RARA: variants seen among roughly 807,000 people sequenced by gnomAD.
RARA encodes retinoic acid receptor alpha, also known as PML-DDX5-RARA fusion.
A neutral mutation model predicts 42.8 loss-of-function variants in RARA; 5 were observed. The ratio of observed to expected loss-of-function variants is 0.12; its 90% CI spans 0.06 to 0.25. The LOEUF is 0.25. Ranked by LOEUF, RARA falls within the 10% of genes least tolerant of loss-of-function variation. The probability of loss-of-function intolerance (pLI) is 1.00; values close to 1 mark genes in which losing one functional copy is unlikely to be tolerated. For missense variants in RARA, 402 were observed against 628.7 expected (o/e 0.64, Z 3.86); for synonymous variants, 256 against 259.5 (o/e 0.99, Z 0.13).
chr17:40,325,291 AT>A (rs2033507542), intron 1 of RARA, among the ~76,000 whole-genome samples: 7 of 151,662 alleles, frequency 4.6e-5, no homozygotes, highest in East Asian at 1.9e-4. Context: ...AAATAAATAA[AT>A]AAATAAAAAG....
At chr17:40,342,239 C>T in intron 2 of RARA, 1 of 1,055,308 alleles carries the variant, frequency 9.5e-7, no homozygotes, top group Non-Finnish European at 1.1e-6. Context: ...GGGATCCCCA[C>T]CCCCACCCGG....
At chr17:40,350,131 C>A in intron 4 of RARA, 1 of 702,120 alleles carries the variant, frequency 1.4e-6, no homozygotes, top group Non-Finnish European at 2.3e-6. Flanking sequence ...ACGGGCAGGT[C>A]TGTGCTCCGG....
At chr17:40,341,359 C>A in intron 2 of RARA, 2 of 1,446,776 alleles carry the variant, frequency 1.4e-6, no homozygotes, top group South Asian at 2.8e-5. Flanking sequence ...ACCCGCGCTG[C>A]CGCGTCGGGT....
In RARA at chr17:40,355,346, C is replaced by T. The variant is rs2143539770; in HGVS notation, c.1096C>T (p.Arg366Trp). 1.9e-6 allele frequency: 3 copies of T among 1,613,316 alleles called. No individual in the cohort carries two copies. The highest frequency in any genetic ancestry group is 2.5e-6 in the Non-Finnish European group (3 of 1,179,730). Residue 366 changes from arginine to tryptophan, a missense_variant, in exon 8 of 9, where the codon CGG becomes TGG. Arg to Trp is a moderately radical substitution (Grantham distance 101, BLOSUM62 -3). This residue lies in a region of RARA where 104 missense variants were observed against 160.1 expected (regional missense o/e 0.65). Transcript: ENST00000254066. This position sits in a 1 kb window ranked among gnomAD's most constrained non-coding sequence, Gnocchi z 4.1. ...LEALKVYVRK[R>W]RPSRPHMFPK... ...GGCGCTAAAGGTCTACGTGCGGAAGCGGAGGCCCAGCCGCCCCCACATGTT... is the reference window on the plus strand; with the variant it reads ...GGCGCTAAAGGTCTACGTGCGGAAGTGGAGGCCCAGCCGCCCCCACATGTT...
intron 2 of RARA, chr17:40,342,713 G>C (rs753970911): frequency 1.9e-6 from 3 of 1,611,574 alleles, no homozygotes; most frequent in African/African-American, 1.3e-5. Flanking sequence ...AGATGTACGA[G>C]AGTGTAGAAG....
At chr17:40,324,369 G>A (rs148102687) in intron 1 of RARA, among the ~76,000 whole-genome samples, 14 of 151,582 alleles carry the variant, frequency 9.2e-5, no homozygotes, top group Admixed American at 1.3e-4. Flanking sequence ...TCACCTACTC[G>A]TTGCTTGGAG....
At chr17:40,331,452 C>T in intron 2 of RARA, 56 bp downstream of exon 2, 2 of 1,557,918 alleles carry the variant, frequency 1.3e-6, no homozygotes, top group South Asian at 2.4e-5. Context: ...TGGCAGGCCT[C>T]AGAGCTTGGG....
At position 40,342,471 on chromosome 17, in the gene RARA, AC is replaced by A. The variant is rs949467310; in HGVS notation, c.179-5838del. On this transcript the variant is annotated intron_variant, in intron 2 of 8. Transcript: ENST00000254066. ...CAGGCTTCCCTGGGAGAGCCGACGG[AC>A]CCCCCCTCCCAGCACACACAACTTC... 5.2e-4 allele frequency: 634 copies of A among 1,227,750 alleles called. 5 individuals carry two copies. The African/African-American group carries it at 8.7e-3, about 17-fold the overall frequency. 76.1% of individuals were successfully genotyped at this position (1,227,750 alleles called of 1,614,324 possible). A position where few individuals can be genotyped will look rare whatever the true frequency, so the allele number is the denominator to read the frequency against.
rs2034577445 is a variant in RARA, at chr17:40,355,185, C to T, written c.1013-78C>T. On this transcript the variant is annotated intron_variant, in intron 7 of 8. Coordinates refer to ENST00000254066, the MANE Select transcript of RARA (RefSeq NM_000964.4). This position sits in a 1 kb window ranked among gnomAD's most constrained non-coding sequence, Gnocchi z 4.1. ...GAGCTGCCCTCCTCCATGGCCTGGG[C>T]AGGCACGCCCCCCGGTGGCCGAGGC... 4.0e-6 allele frequency: 6 copies of T among 1,483,512 alleles called. No individual in the cohort carries two copies. The highest frequency in any genetic ancestry group is 5.4e-6 in the Non-Finnish European group (6 of 1,109,302). 91.9% of individuals were successfully genotyped at this position (1,483,512 alleles called of 1,614,324 possible). A position where few individuals can be genotyped will look rare whatever the true frequency, so the allele number is the denominator to read the frequency against.
At chr17:40,321,828 C>G (rs190923866) in intron 1 of RARA, among the ~76,000 whole-genome samples, 32 of 152,308 alleles carry the variant, frequency 2.1e-4, no homozygotes, top group South Asian at 6.2e-4. Flanking sequence ...ACTCCACCCC[C>G]CCAACTGGAT....
chr17:40,313,337 G>A (rs2033131783), intron 1 of RARA, among the ~76,000 whole-genome samples: 1 of 152,194 alleles, frequency 6.6e-6, no homozygotes, highest in South Asian at 2.1e-4. Flanking sequence ...CTGATCGCTA[G>A]TCAGAAGGAG....
Position 40,357,112 on chromosome 17 carries a change from G to A in RARA, c.*886G>A. On this transcript the variant is annotated 3_prime_UTR_variant, in exon 9 of 9. Coordinates refer to ENST00000254066, the MANE Select transcript of RARA (RefSeq NM_000964.4). ...AGGCTCCTGGCCTTGGCACTTGCCT[G>A]CACCCACCATGAGGCATGGAGCAGG... 6.7e-6 allele frequency: 2 copies of A among 299,638 alleles called. No homozygotes were observed. Among genetic ancestry groups the A allele is most frequent in the Non-Finnish European group, 1.3e-5 (2 of 157,176 alleles). 18.6% of individuals were successfully genotyped at this position (299,638 alleles called of 1,614,324 possible). A position where few individuals can be genotyped will look rare whatever the true frequency, so the allele number is the denominator to read the frequency against.
chr17:40,343,376 G>A (rs2034145283), intron 2 of RARA, among the ~76,000 whole-genome samples: 1 of 152,196 alleles, frequency 6.6e-6, no homozygotes, highest in Non-Finnish European at 1.5e-5. Context: ...GGTGTCAGGG[G>A]AGCACTCAGT....
In RARA at chr17:40,345,224, C is replaced by G. The variant is rs1179332734; in HGVS notation, c.179-3092C>G. The G allele has an allele frequency of 6.5e-6, 1 of 153,680 alleles. No individual in the cohort carries two copies. The highest frequency in any genetic ancestry group is 1.5e-5 in the Non-Finnish European group (1 of 68,100). The allele number at this position is 153,680 out of a possible 1,614,324, so 9.5% of individuals were successfully genotyped here. ...TGCCCGTAGTTGGGGGAGGGGGAGACGCTTATCAGGCGGCCGCTGGGCTAG... is the reference window on the plus strand; with the variant it reads ...TGCCCGTAGTTGGGGGAGGGGGAGAGGCTTATCAGGCGGCCGCTGGGCTAG... On this transcript the variant is annotated intron_variant, in intron 2 of 8. Coordinates refer to ENST00000254066, the MANE Select transcript of RARA (RefSeq NM_000964.4). This position sits in a 1 kb window ranked among gnomAD's most constrained non-coding sequence, Gnocchi z 4.8.
At chr17:40,341,583 C>G (rs2034042195) in intron 2 of RARA, 1 of 1,362,304 alleles carries the variant, frequency 7.3e-7, no homozygotes, top group Non-Finnish European at 9.5e-7. Flanking sequence ...GCCCCGCGGG[C>G]GGGCTGGCGA....
At position 40,352,463 on chromosome 17, in the gene RARA, G is replaced by A. The variant is rs758973243; in HGVS notation, c.763G>A (p.Ala255Thr). 3 of 1,613,370 alleles carry A rather than the reference G, an allele frequency of 1.9e-6. No homozygotes were observed. Among genetic ancestry groups the A allele is most frequent in the Admixed American group, 1.7e-5 (1 of 59,960 alleles). ...QLPGFTTLTI[A>T]DQITLLKAAC... The stretch of plus-strand genomic sequence containing the variant: ...GCCCGGCTTCACCACCCTCACCATC[G>A]CCGACCAGATCACCCTCCTCAAGGC... Residue 255 changes from alanine to threonine, a missense_variant, in exon 6 of 9, where the codon GCC (alanine) becomes ACC (threonine). Around this residue, in one of 5 missense-constraint regions of RARA, gnomAD observed 130 missense variants for 267.9 expected, o/e 0.49. Coordinates refer to ENST00000254066, the MANE Select transcript of RARA (RefSeq NM_000964.4). This position sits in a 1 kb window ranked among gnomAD's most constrained non-coding sequence, Gnocchi z 4.9.
intron 2 of RARA, among the ~76,000 whole-genome samples, chr17:40,344,535 G>A (rs1307738423): frequency 6.6e-6 from 1 of 152,098 alleles, no homozygotes; most frequent in Admixed American, 6.6e-5. Flanking sequence ...AGCCCATGGG[G>A]ACAGCTCAGC....
At position 40,341,711 on chromosome 17, in the gene RARA, G is replaced by T. The variant is rs879060404; in HGVS notation, c.179-6605G>T. ...CAAATGAGGCCCGGCCTGGGTGGGGGTGTGTGTTAAGGGGAGGACACCGGG... is the reference window on the plus strand; with the variant it reads ...CAAATGAGGCCCGGCCTGGGTGGGGTTGTGTGTTAAGGGGAGGACACCGGG... On this transcript the variant is annotated intron_variant, in intron 2 of 8. Transcript: ENST00000254066. 11 of 1,327,530 alleles carry T rather than the reference G, an allele frequency of 8.3e-6. No homozygotes were observed. The South Asian group carries it at 2.2e-4, about 27-fold the overall frequency. 82.2% of individuals were successfully genotyped at this position (1,327,530 alleles called of 1,614,324 possible). A position where few individuals can be genotyped will look rare whatever the true frequency, so the allele number is the denominator to read the frequency against.
At chr17:40,327,691 TG>T (rs2033583450) in intron 1 of RARA, among the ~76,000 whole-genome samples, 1 of 152,230 alleles carries the variant, frequency 6.6e-6, no homozygotes, top group Non-Finnish European at 1.5e-5. Flanking sequence ...ACACACAGGC[TG>T]GGGCTGCAGG....
Sources: gnomAD v4.1 joint callset for allele counts (sites outside exome capture counted in the v4.1 genomes callset) on GRCh38, gnomAD v4.1.1 for gene constraint, gnomAD v4.1.1 regional missense constraint, Gnocchi (gnomAD v3.1) non-coding constraint, MANE v1.5 for transcripts, NCBI Gene and HGNC (gene_info 2026-07-23, HGNC 2026-07-21) for gene names.